The following ATP2A2 variants were observed in gnomAD, a reference collection of about 807,000 sequenced individuals.
ATP2A2 encodes sarcoplasmic/endoplasmic reticulum calcium ATPase 2.
ATP2A2 carries 14 observed loss-of-function variants against 109.3 expected under a neutral mutation model. That is an observed-to-expected ratio of 0.13 (90% CI 0.08 to 0.20). The LOEUF (loss-of-function observed/expected upper bound fraction) is 0.20, where lower values mean the gene tolerates loss of function less well. ATP2A2 is among the 10% of genes least tolerant of loss of function. ATP2A2 has a pLI of 1.00. For synonymous variants in ATP2A2, 506 were observed against 490.9 expected (o/e 1.03, Z -0.41); for missense variants, 657 against 1,321.6 (o/e 0.50, Z 7.80).
rs1477390645 is a variant in ATP2A2 at position 110,345,380 on chromosome 12, C to T, written c.2739C>T (p.Asn913=). 2 of 1,614,076 alleles carry T rather than the reference C, an allele frequency of 1.2e-6. No homozygotes were observed. Among genetic ancestry groups the T allele is most frequent in the African/African-American group, 1.3e-5 (1 of 74,914 alleles). ...CTATAGAAATGTGTAACGCCCTCAACAGGTTAGTGCACCTTCACGGCAGGC... is the reference window on the plus strand; with the variant it reads ...CTATAGAAATGTGTAACGCCCTCAATAGGTTAGTGCACCTTCACGGCAGGC... ...LVTIEMCNAL[N]SLSENQSLLR... Residue 913 remains asparagine (N), a splice_region_variant and synonymous_variant, in exon 18 of 20, where the codon AAC becomes AAT. Transcript: ENST00000539276.
chr12:110,319,158 G>A (rs1176726581), intron 5 of ATP2A2, among the ~76,000 whole-genome samples: 2 of 146,682 alleles, frequency 1.4e-5, no homozygotes, highest in East Asian at 2.0e-4. Context: ...GTAGTTCACC[G>A]TGATCACGCC....
chr12:110,343,356 A>G lies in ATP2A2; in HGVS notation c.2443A>G (p.Ile815Val). ...ALGFNPPDLD[I>V]MNKPPRNPKE... ...GGGGTTCAACCCTCCTGATCTGGAC[A>G]TCATGAATAAACCTCCCCGGAACCC... Residue 815 changes from isoleucine to valine, a missense_variant, in exon 16 of 20, where the codon ATC (isoleucine) becomes GTC (valine). Physicochemically the swap from Ile to Val is conservative, Grantham distance 29. Coordinates refer to ENST00000539276, the MANE Select transcript of ATP2A2 (RefSeq NM_170665.4). 2 of 1,614,242 alleles carry G rather than the reference A, an allele frequency of 1.2e-6. No homozygotes were observed. The highest frequency in any genetic ancestry group is 1.7e-6 in the Non-Finnish European group (2 of 1,180,052).
intron 3 of ATP2A2, among the ~76,000 whole-genome samples, chr12:110,286,808 A>G (rs1872710376): frequency 6.6e-6 from 1 of 151,450 alleles, no homozygotes; most frequent in Non-Finnish European, 1.5e-5. Flanking sequence ...AAATGTGCTT[A>G]TGATCTTTTT....
intron 3 of ATP2A2, among the ~76,000 whole-genome samples, chr12:110,284,129 T>C (rs1872432509): frequency 6.6e-6 from 1 of 152,214 alleles, no homozygotes; most frequent in Non-Finnish European, 1.5e-5. Flanking sequence ...GCATTCTGAG[T>C]CAGTCACAAT....
intron 5 of ATP2A2, among the ~76,000 whole-genome samples, chr12:110,314,894 TCTCG>T (rs1234918777): frequency 6.9e-6 from 1 of 144,016 alleles, no homozygotes; most frequent in African/African-American, 2.6e-5. Context: ...GGAAATGGAG[TCTCG>T]CTCTGTCGCC....
intron 5 of ATP2A2, among the ~76,000 whole-genome samples, chr12:110,310,876 A>C (rs1875957814): frequency 6.6e-6 from 1 of 152,364 alleles, no homozygotes; most frequent in South Asian, 2.1e-4. Context: ...GAGATTTAGT[A>C]GCAGGTATAA....
At chr12:110,282,031 G>A (rs1872153631) in intron 1 of ATP2A2, 124 bp downstream of exon 1, 4 of 691,324 alleles carry the variant, frequency 5.8e-6, no homozygotes, top group Non-Finnish European at 8.7e-6. Context: ...GCGGAGGGTC[G>A]GGCCAGCGCG....
At position 110,347,309 on chromosome 12, in the gene ATP2A2, A is replaced by G; in HGVS notation, c.*839A>G. On this transcript the variant is annotated 3_prime_UTR_variant, in exon 20 of 20. Transcript: ENST00000539276. ...GTTTTAAAAAAATAAAACATTTTAA[A>G]TGGACAGAGAAAAATAACTGTCTTG... 7.9e-7 allele frequency: 1 copy of G among 1,269,804 alleles called. No homozygotes were observed. The highest frequency in any genetic ancestry group is 1.0e-6 in the Non-Finnish European group (1 of 976,442). The allele number at this position is 1,269,804 out of a possible 1,614,324, so 78.7% of individuals were successfully genotyped here. A position where few individuals can be genotyped will look rare whatever the true frequency, so the allele number is the denominator to read the frequency against.
At chr12:110,334,957 G>GGCA (rs1878700881) in intron 11 of ATP2A2, among the ~76,000 whole-genome samples, 1 of 152,098 alleles carries the variant, frequency 6.6e-6, no homozygotes, top group Admixed American at 6.6e-5. Flanking sequence ...TGGTGATGGT[G>GGCA]GTGGCAGTGG....
At chr12:110,289,713 T>C (rs1454552396) in intron 3 of ATP2A2, among the ~76,000 whole-genome samples, 2 of 152,214 alleles carry the variant, frequency 1.3e-5, no homozygotes, top group Admixed American at 6.5e-5. Flanking sequence ...TTATGAAATA[T>C]GCAAACATTT....
At chr12:110,326,228 A>G in intron 6 of ATP2A2, 162 bp from the exon 7 acceptor site, 1 of 670,864 alleles carries the variant, frequency 1.5e-6, no homozygotes, top group Non-Finnish European at 2.7e-6. Flanking sequence ...TCCATTACTA[A>G]GTTTTCCCAG....
At chr12:110,311,525 G>A (rs1876033126) in intron 5 of ATP2A2, among the ~76,000 whole-genome samples, 1 of 147,558 alleles carries the variant, frequency 6.8e-6, no homozygotes, top group Non-Finnish European at 1.5e-5. Flanking sequence ...GAACCCAGGG[G>A]GCAGAGGTTG....
rs1329657901 is a variant in ATP2A2 at position 110,340,355 on chromosome 12, A to G, written c.1762-304A>G. On this transcript the variant is annotated intron_variant, in intron 13 of 19. Coordinates refer to ENST00000539276, the MANE Select transcript of ATP2A2 (RefSeq NM_170665.4). The surrounding 1 kb of genome is among the most constrained non-coding windows in gnomAD (Gnocchi z 6.0). ...GGGGTTTGAGACCAGCCTGACCAAC[A>G]TGGAGAAACCACATCTCTACTAAAA... Among the ~76,000 whole-genome samples, 3 of 152,128 alleles carry G rather than the reference A, an allele frequency of 2.0e-5. No individual in the cohort carries two copies. Among genetic ancestry groups the G allele is most frequent in the Admixed American group, 6.5e-5 (1 of 15,274 alleles).
intron 6 of ATP2A2, among the ~76,000 whole-genome samples, chr12:110,324,688 G>A (rs1877591282): frequency 6.6e-6 from 1 of 152,088 alleles, no homozygotes; most frequent in Non-Finnish European, 1.5e-5. Context: ...CCAAAGTGCT[G>A]GGATTACAGG....
intron 3 of ATP2A2, among the ~76,000 whole-genome samples, chr12:110,284,329 C>T (rs567776860): frequency 2.0e-5 from 3 of 152,246 alleles, no homozygotes; most frequent in South Asian, 2.1e-4. Flanking sequence ...TACATAATAG[C>T]GTTGGCAGTT....
intron 16 of ATP2A2, 88 bp downstream of exon 16, chr12:110,343,522 T>C: frequency 6.8e-7 from 1 of 1,466,910 alleles, no homozygotes; most frequent in African/African-American, 1.4e-5. Flanking sequence ...AAGCGTGTTT[T>C]TTCTTCTATC....
chr12:110,317,371 A>G (rs896099607), intron 5 of ATP2A2, among the ~76,000 whole-genome samples: 1 of 152,084 alleles, frequency 6.6e-6, no homozygotes, highest in Non-Finnish European at 1.5e-5. Flanking sequence ...ACAATTGATT[A>G]ATAAAAAGGA....
intron 18 of ATP2A2, 177 bp from the exon 19 acceptor site, chr12:110,345,824 T>C: frequency 2.9e-6 from 2 of 699,858 alleles, no homozygotes; most frequent in Non-Finnish European, 5.1e-6. Context: ...AATTCACAGT[T>C]TGTCCTGCAT....
intron 17 of ATP2A2, 38 bp from the exon 18 acceptor site, chr12:110,345,211 T>G (rs1440750151): frequency 2.5e-6 from 4 of 1,614,004 alleles, no homozygotes; most frequent in African/African-American, 1.3e-5. Flanking sequence ...TTGGGAAATA[T>G]ACTGGGCTGA....
Sources: allele counts gnomAD v4.1 joint callset (sites outside exome capture counted in the v4.1 genomes callset), GRCh38; gene constraint gnomAD v4.1.1; non-coding constraint Gnocchi (gnomAD v3.1); transcripts MANE v1.5; gene names NCBI Gene and HGNC (gene_info 2026-07-23, HGNC 2026-07-21).